Variants in SLC3A2 observed in about 807,000 individuals in gnomAD.
The protein encoded by SLC3A2 is solute carrier family 3 member 2.
Under a neutral mutation model 48.5 loss-of-function variants are expected in SLC3A2, and 32 were observed. The observed-to-expected ratio is 0.66, with a 90% CI of 0.50 to 0.89. The LOEUF is 0.89. Ranked by LOEUF, SLC3A2 falls within the 40% of genes least tolerant of loss-of-function variation. The pLI, the probability that SLC3A2 is intolerant of heterozygous loss-of-function variation, is 0.00. For missense variants in SLC3A2, 587 were observed against 680.7 expected (o/e 0.86, Z 1.53); for synonymous variants, 277 against 288.8 (o/e 0.96, Z 0.41).
intron 1 of SLC3A2, among the ~76,000 whole-genome samples, chr11:62,864,744 G>A (rs1389317720): frequency 6.6e-6 from 1 of 150,816 alleles, no homozygotes; most frequent in African/African-American, 2.4e-5. Context: ...GGGATTACAG[G>A]TGTGAGCCAC....
At position 62,881,707 on chromosome 11, in the gene SLC3A2, C is replaced by A; in HGVS notation, c.425-186C>A. The A allele has an allele frequency of 1.2e-6, 1 of 840,518 alleles. No homozygotes were observed. The highest frequency in any genetic ancestry group is 1.8e-6 in the Non-Finnish European group (1 of 558,026). The allele number at this position is 840,518 out of a possible 1,614,324, so 52.1% of individuals were successfully genotyped here. A position where few individuals can be genotyped will look rare whatever the true frequency, so the allele number is the denominator to read the frequency against. On this transcript the variant is annotated intron_variant, in intron 1 of 8. Transcript: ENST00000338663. The surrounding 1 kb of genome is among the most constrained non-coding windows in gnomAD (Gnocchi z 4.0). ...CCGCGGCGCCAGAAGCCAGTTGCAACCGGTTTCTGAAGTAATGTGCAGGAC... is the reference window on the plus strand; with the variant it reads ...CCGCGGCGCCAGAAGCCAGTTGCAAACGGTTTCTGAAGTAATGTGCAGGAC...
In SLC3A2 at chr11:62,884,539, C is replaced by T. The variant is rs760742695; in HGVS notation, c.759+14C>T. The T allele has an allele frequency of 9.3e-6, 15 of 1,614,044 alleles. No homozygotes were observed. In the Admixed American group the frequency reaches 1.3e-4, roughly 14 times the overall value. On this transcript the variant is annotated intron_variant, in intron 4 of 8. Transcript: ENST00000338663. The stretch of plus-strand genomic sequence containing the variant: ...GAGAATCTGAAGGTGAGTTCCCTTT[C>T]CACATTAGGGACAAAGCTTGGGCGA...
chr11:62,888,420 C>CT lies in SLC3A2; in HGVS notation c.1319dup (p.His441ProfsTer20). 1 of 1,614,236 alleles carries CT rather than the reference C, an allele frequency of 6.2e-7. No homozygotes were observed. The highest frequency in any genetic ancestry group is 8.5e-7 in the Non-Finnish European group (1 of 1,180,038). On this transcript the variant is annotated frameshift_variant, in exon 9 of 9. Coordinates refer to ENST00000338663, the MANE Select transcript of SLC3A2 (RefSeq NM_001013251.3). LOFTEE classifies it low-confidence loss of function (END_TRUNC). ...AGGAGCGCTCCCTACTGCATGGGGA[C>CT]TTCCACGCGTTCTCCGCTGGGCCTG...
intron 1 of SLC3A2, among the ~76,000 whole-genome samples, chr11:62,862,947 G>C (rs2085417384): frequency 6.6e-6 from 1 of 152,084 alleles, no homozygotes; most frequent in Admixed American, 6.6e-5. Flanking sequence ...TTTGAGATGG[G>C]GTCTCATTCT....
At chr11:62,887,361 G>A (rs2085727922) in intron 7 of SLC3A2, among the ~76,000 whole-genome samples, 1 of 152,134 alleles carries the variant, frequency 6.6e-6, no homozygotes, top group African/African-American at 2.4e-5. Context: ...AGGGGCAACA[G>A]TGTATGTGTG....
chr11:62,859,668 G>T (rs544615820), intron 1 of SLC3A2, among the ~76,000 whole-genome samples: 1 of 152,256 alleles, frequency 6.6e-6, no homozygotes, highest in Non-Finnish European at 1.5e-5. Context: ...ACTCCAGCCT[G>T]GGGGACAAGA....
intron 1 of SLC3A2, among the ~76,000 whole-genome samples, chr11:62,863,700 C>T (rs2085424532): frequency 6.6e-6 from 1 of 152,180 alleles, no homozygotes; most frequent in Non-Finnish European, 1.5e-5. Context: ...ACTAAAGGGT[C>T]TGTCTGACTT....
chr11:62,888,687 G>A lies in SLC3A2; in HGVS notation c.1584G>A (p.Ala528=), dbSNP rs150850805. 9.7e-5 allele frequency: 154 copies of A among 1,589,842 alleles called. No homozygotes were observed. The highest frequency in any genetic ancestry group is 2.7e-5 in the African/African-American group (2 of 74,694). ...GGCTGCTGCTCCGCTTCCCCTACGC[G>A]GCCTGACTTCAGCCTGACATGGACC... is the stretch of plus-strand genomic sequence containing the variant. ...HEGLLLRFPY[A]A The change falls in exon 9 of 9, where the codon GCG becomes GCA. Residue 528 remains alanine, a synonymous_variant. Coordinates refer to ENST00000338663, the MANE Select transcript of SLC3A2 (RefSeq NM_001013251.3).
rs1379663355 is a variant in SLC3A2, at chr11:62,881,978, T to C, written c.510T>C (p.Asp170=). The stretch of plus-strand genomic sequence containing the variant: ...CAATTCACAAGAACCAGAAGGATGA[T>C]GTCGCTCAGACTGACTTGCTGCAGA... ...LGPIHKNQKD[D]VAQTDLLQID... is the part of the protein sequence containing the mutation. Residue 170 remains aspartate, a synonymous_variant, in exon 2 of 9, where the codon GAT becomes GAC. Transcript: ENST00000338663. This position sits in a 1 kb window ranked among gnomAD's most constrained non-coding sequence, Gnocchi z 4.0. 1.2e-6 allele frequency: 2 copies of C among 1,614,206 alleles called. No homozygotes were observed. The highest frequency in any genetic ancestry group is 1.1e-5 in the South Asian group (1 of 91,084).
chr11:62,880,656 T>C (rs982601617), upstream of SLC3A2: 2 of 207,112 alleles, frequency 9.7e-6, no homozygotes, highest in Non-Finnish European at 2.0e-5. Flanking sequence ...ATCACAGGCC[T>C]AGTCCACTTA....
chr11:62,866,328 T>C (rs1399715423), intron 1 of SLC3A2, among the ~76,000 whole-genome samples: 1 of 151,140 alleles, frequency 6.6e-6, no homozygotes, highest in Non-Finnish European at 1.5e-5. Flanking sequence ...ATGTTGGCCA[T>C]GCTGGTCTTG....
chr11:62,877,003 T>C (rs1330412002), upstream of SLC3A2: 1 of 957,918 alleles, frequency 1.0e-6, no homozygotes, highest in Non-Finnish European at 1.2e-6. Context: ...CTTTTCATTT[T>C]CCTGCCTTTG....
chr11:62,874,841 A>G (rs1467960084), intron 1 of SLC3A2, among the ~76,000 whole-genome samples: 1 of 147,620 alleles, frequency 6.8e-6, no homozygotes, highest in Non-Finnish European at 1.5e-5. Flanking sequence ...ATCTCAGCTT[A>G]CTGCAACCTC....
intron 1 of SLC3A2, among the ~76,000 whole-genome samples, chr11:62,872,331 T>C (rs1231040946): frequency 2.0e-5 from 3 of 152,166 alleles, no homozygotes; most frequent in African/African-American, 7.2e-5. Context: ...TTGGACAACA[T>C]GACAAAACCC....
At chr11:62,876,828 C>A, upstream of SLC3A2, 1 of 748,440 alleles carries the variant, frequency 1.3e-6, no homozygotes, top group Non-Finnish European at 1.8e-6. Context: ...TATTGAATTC[C>A]TGACCTCAAT....
chr11:62,885,800 G>A (rs1352391668), intron 7 of SLC3A2, among the ~76,000 whole-genome samples, 192 bp downstream of exon 7: 1 of 152,196 alleles, frequency 6.6e-6, no homozygotes, highest in South Asian at 2.1e-4. Context: ...TTGTGTTACT[G>A]CATTTCTTGA....
rs2085625204 is a variant in SLC3A2, at chr11:62,880,934, G to A, written c.-90G>A. 3 of 1,475,066 alleles carry A rather than the reference G, an allele frequency of 2.0e-6. No individual in the cohort carries two copies. The highest frequency in any genetic ancestry group is 2.8e-5 in the African/African-American group (2 of 71,342). 91.4% of individuals were successfully genotyped at this position (1,475,066 alleles called of 1,614,324 possible). A position where few individuals can be genotyped will look rare whatever the true frequency, so the allele number is the denominator to read the frequency against. On this transcript the variant is annotated 5_prime_UTR_variant, in exon 1 of 9. Coordinates refer to ENST00000338663, the MANE Select transcript of SLC3A2 (RefSeq NM_001013251.3). ...GAAACTGCGCGGAGGCACAGAGGCC[G>A]GGGAGAGCGTTCTGGGTCCGAGGGT...
Position 62,888,762 on chromosome 11 carries a change from CTT to C in SLC3A2, c.*74_*75del, listed in dbSNP as rs1414732389. On this transcript the variant is annotated 3_prime_UTR_variant, in exon 9 of 9. Transcript: ENST00000338663. ...AGGCCCTTTGGCTTCTGATTTTTCT[CTT>C]TTTTAAAAACAAACAAACAAACTGT... The C allele has an allele frequency of 2.8e-6, 4 of 1,413,954 alleles. No homozygotes were observed. The highest frequency in any genetic ancestry group is 2.3e-5 in the East Asian group (1 of 43,482). 87.6% of individuals were successfully genotyped at this position (1,413,954 alleles called of 1,614,324 possible).
intron 1 of SLC3A2, among the ~76,000 whole-genome samples, chr11:62,869,786 ATTT>A (rs755881489): frequency 4.4e-5 from 6 of 135,886 alleles, no homozygotes; most frequent in Non-Finnish European, 6.4e-5. Context: ...TCTTTTGTGT[ATTT>A]TTTTTTTTTT....
Sources: allele counts gnomAD v4.1 joint callset (sites outside exome capture counted in the v4.1 genomes callset), GRCh38; gene constraint gnomAD v4.1.1; non-coding constraint Gnocchi (gnomAD v3.1); transcripts MANE v1.5; gene names NCBI Gene and HGNC (gene_info 2026-07-23, HGNC 2026-07-21).